The following LY6L variants were observed in gnomAD, a reference collection of about 807,000 sequenced individuals.
LY6L encodes the protein lymphocyte antigen 6L.
LY6L carries 8 observed loss-of-function variants against 8.3 expected under a neutral mutation model. That is an observed-to-expected ratio of 0.97 (90% CI 0.57 to 1.74). The LOEUF (loss-of-function observed/expected upper bound fraction) is 1.74, where lower values mean the gene tolerates loss of function less well. LY6L is among the 40% of genes most tolerant of loss of function. The pLI is 0.00. For missense variants in LY6L, 156 were observed against 183.8 expected, an observed-to-expected ratio of 0.85 and a Z score of 0.87; for synonymous variants, 79 against 77.9, an observed-to-expected ratio of 1.01 and a Z score of -0.07.
At chr8:143,080,920 G>A in intron 1 of LY6L, 116 bp from the exon 2 acceptor site, 1 of 714,200 alleles carries the variant, frequency 1.4e-6, no homozygotes, top group Non-Finnish European at 2.2e-6. Context: ...CGGGAGCGCA[G>A]GAGGCTAGTG....
intron 3 of LY6L, among the ~76,000 whole-genome samples, chr8:143,081,767 T>C (rs1820434944): frequency 6.6e-6 from 1 of 152,220 alleles, no homozygotes; most frequent in Non-Finnish European, 1.5e-5. Flanking sequence ...AACGTGTATA[T>C]TGCAACTTAA....
At chr8:143,082,111 G>A (rs139058425) in intron 3 of LY6L, among the ~76,000 whole-genome samples, 1 of 152,210 alleles carries the variant, frequency 6.6e-6, no homozygotes, top group South Asian at 2.1e-4. Flanking sequence ...ACATGCCCCG[G>A]GGCCGGCAGG....
rs1179863310 is a variant in LY6L at position 143,081,129 on chromosome 8, A to G, written c.73+3A>G. ...TGCTGGCTGCGCCACGACGCCAGGT[A>G]AGGCGCGGCCCGGGCTGGGCTGGGG... On this transcript the variant is annotated splice_donor_region_variant and intron_variant, in intron 2 of 3. Transcript: ENST00000562505. 1 of 1,534,364 alleles carries G rather than the reference A, an allele frequency of 6.5e-7. No homozygotes were observed. The highest frequency in any genetic ancestry group is 1.2e-5 in the South Asian group (1 of 83,966).
chr8:143,081,360 G>A (rs1347651147), intron 3 of LY6L, 33 bp downstream of exon 3: 4 of 1,372,370 alleles, frequency 2.9e-6, no homozygotes, highest in African/African-American at 2.9e-5. Context: ...GCAGGTGCCA[G>A]GTGCCGGGGA....
In LY6L at chr8:143,082,988, G is replaced by A. The variant is rs1820459691; in HGVS notation, c.*337G>A. 3.5e-6 allele frequency: 1 copy of A among 282,642 alleles called. No homozygotes were observed. The highest frequency in any genetic ancestry group is 6.6e-6 in the Non-Finnish European group (1 of 151,118). The allele number at this position is 282,642 out of a possible 1,614,324, so 17.5% of individuals were successfully genotyped here. On this transcript the variant is annotated 3_prime_UTR_variant, in exon 4 of 4. Transcript: ENST00000562505. ...TGATGGGAAGGACGGTGCCTCTGGT[G>A]TGGGTGATGGGATGGACGGTGCCTC...
rs1563928604 is a variant in LY6L, at chr8:143,082,463, C to T, written c.229C>T (p.Pro77Ser). 6.5e-7 allele frequency: 1 copy of T among 1,535,454 alleles called. No homozygotes were observed. Among genetic ancestry groups the T allele is most frequent in the Admixed American group, 2.0e-5 (1 of 50,996 alleles). Residue 77 changes from proline to serine, a missense_variant, in exon 4 of 4, where the codon CCC (proline) becomes TCC (serine). Transcript: ENST00000562505. ...CGTCCTGCTCAGCAAACGCTGTGCT[C>T]CCAGATGTCCCAACGACAACATGAA... ...VRVLLSKRCA[P>S]RCPNDNMKFE...
intron 3 of LY6L, among the ~76,000 whole-genome samples, chr8:143,081,980 C>T (rs1249687764): frequency 6.6e-6 from 1 of 152,192 alleles, no homozygotes; most frequent in African/African-American, 2.4e-5. Flanking sequence ...AAAGTCTCTG[C>T]CATGTCTTTA....
At chr8:143,082,304 C>T (rs539289300) in intron 3 of LY6L, 121 bp from the exon 4 acceptor site, 11 of 685,136 alleles carry the variant, frequency 1.6e-5, no homozygotes, top group African/African-American at 8.9e-5. Context: ...GGCCAGGTTA[C>T]GTGCTCTAGC....
rs145802655 is a variant in LY6L at position 143,082,526 on chromosome 8, A to T, written c.292A>T (p.Ile98Phe). ...GCCGGCCCCCATGGTGCAAGGCGTGATCACCAGGCGCTGCTGTTCCTGGGC... is the reference window on the plus strand; with the variant it reads ...GCCGGCCCCCATGGTGCAAGGCGTGTTCACCAGGCGCTGCTGTTCCTGGGC... ...WSPAPMVQGV[I>F]TRRCCSWALC... is the part of the protein sequence containing the mutation. The change falls in exon 4 of 4, where the codon ATC becomes TTC. Residue 98 changes from isoleucine (I) to phenylalanine (F), a missense_variant. Transcript: ENST00000562505. 1,966 of 1,535,378 alleles carry T rather than the reference A, an allele frequency of 1.3e-3. 9 individuals are homozygous for T. The Middle Eastern group carries it at 0.03, about 23-fold the overall frequency.
At chr8:143,082,300 G>T (rs1820443595) in intron 3 of LY6L, 125 bp from the exon 4 acceptor site, 2 of 673,284 alleles carry the variant, frequency 3.0e-6, no homozygotes, top group Admixed American at 4.9e-5. Flanking sequence ...GCAGGGCCAG[G>T]TTACGTGCTC....
Position 143,082,850 on chromosome 8 carries a change from C to G in LY6L, c.*199C>G. On this transcript the variant is annotated 3_prime_UTR_variant, in exon 4 of 4. Transcript: ENST00000562505. ...CCGGGGGCCCCTTTGCTGGAGAACC[C>G]CAAGGATTCAGCAACTGCTCCTCCT... 1.9e-6 allele frequency: 1 copy of G among 530,542 alleles called. No individual in the cohort carries two copies. Among genetic ancestry groups the G allele is most frequent in the Non-Finnish European group, 3.3e-6 (1 of 301,706 alleles). The allele number at this position is 530,542 out of a possible 1,614,324, so 32.9% of individuals were successfully genotyped here.
chr8:143,081,520 C>T (rs1820431878), intron 3 of LY6L, among the ~76,000 whole-genome samples, 193 bp downstream of exon 3: 1 of 152,198 alleles, frequency 6.6e-6, no homozygotes, highest in Non-Finnish European at 1.5e-5. Context: ...ACTTTTTTCT[C>T]CTCCATTTGA....
chr8:143,082,006 G>A (rs1213623225), intron 3 of LY6L, among the ~76,000 whole-genome samples: 2 of 152,156 alleles, frequency 1.3e-5, no homozygotes, highest in Non-Finnish European at 2.9e-5. Flanking sequence ...GCAGTACAGA[G>A]AAACGAGCCC....
At position 143,082,373 on chromosome 8, in the gene LY6L, G is replaced by A. The variant is rs1447990843; in HGVS notation, c.191-52G>A. The A allele has an allele frequency of 2.3e-6, 3 of 1,327,016 alleles. No individual in the cohort carries two copies. The Admixed American group carries it at 6.0e-5, about 27-fold the overall frequency. The allele number at this position is 1,327,016 out of a possible 1,614,324, so 82.2% of individuals were successfully genotyped here. Reference sequence around the variant, plus strand: ...TCCTTGCACTTTCCGCATAACTGTGGATACCTCCTTGCTGGGGCTCTGGGG... The same window carrying A: ...TCCTTGCACTTTCCGCATAACTGTGAATACCTCCTTGCTGGGGCTCTGGGG... On this transcript the variant is annotated intron_variant, in intron 3 of 3. Transcript: ENST00000562505.
chr8:143,082,176 T>C (rs2130541446), intron 3 of LY6L, among the ~76,000 whole-genome samples: 1 of 152,334 alleles, frequency 6.6e-6, no homozygotes, highest in East Asian at 1.9e-4. Flanking sequence ...CCAGTTGCCC[T>C]GGAGTCTGTA....
At chr8:143,082,233 G>A (rs1305430056) in intron 3 of LY6L, among the ~76,000 whole-genome samples, 192 bp from the exon 4 acceptor site, 1 of 152,236 alleles carries the variant, frequency 6.6e-6, no homozygotes, top group Admixed American at 6.5e-5. Flanking sequence ...AGGATCCCCA[G>A]CTCTGCAGCG....
chr8:143,082,146 C>A (rs143993780), intron 3 of LY6L, among the ~76,000 whole-genome samples: 1 of 152,202 alleles, frequency 6.6e-6, no homozygotes, highest in African/African-American at 2.4e-5. Flanking sequence ...TGCATGGCTT[C>A]GGGAGAAGGC....
At chr8:143,082,340 G>T in intron 3 of LY6L, 85 bp from the exon 4 acceptor site, 1 of 1,020,910 alleles carries the variant, frequency 9.8e-7, no homozygotes, top group Non-Finnish European at 1.4e-6. Context: ...CTGCTCCTTT[G>T]GAAAGCATCC....
In LY6L at chr8:143,081,132, G is replaced by C; in HGVS notation, c.73+6G>C. 1 of 1,534,362 alleles carries C rather than the reference G, an allele frequency of 6.5e-7. No homozygotes were observed. On this transcript the variant is annotated splice_donor_region_variant and intron_variant, in intron 2 of 3. Transcript: ENST00000562505. ...TGGCTGCGCCACGACGCCAGGTAAG[G>C]CGCGGCCCGGGCTGGGCTGGGGGCG...
Sources: allele counts gnomAD v4.1 joint callset (sites outside exome capture counted in the v4.1 genomes callset), GRCh38; gene constraint gnomAD v4.1.1; transcripts MANE v1.5; gene names NCBI Gene and HGNC (gene_info 2026-07-23, HGNC 2026-07-21).